BICRA: variants seen among roughly 807,000 people sequenced by gnomAD.
BICRA encodes BRD4 interacting chromatin remodeling complex associated protein, also known as BRD4-interacting chromatin-remodeling complex-associated protein.
BICRA carries 31 observed loss-of-function variants against 96.9 expected under a neutral mutation model. The ratio of observed to expected loss-of-function variants is 0.32; its 90% CI spans 0.24 to 0.43. The LOEUF (loss-of-function observed/expected upper bound fraction) is 0.43, where lower values mean the gene tolerates loss of function less well. Among genes scored for constraint, BICRA ranks in the 20% least tolerant of loss-of-function variants. BICRA has a pLI of 1.00. For synonymous variants in BICRA, 1,350 were observed against 1,071.8 expected (o/e 1.26, Z -5.07); for missense variants, 2,283 against 2,190.3 (o/e 1.04, Z -0.84).
intron 5 of BICRA, 71 bp from the exon 6 acceptor site, chr19:47,679,250 C>A: frequency 1.7e-6 from 2 of 1,146,238 alleles, no homozygotes; most frequent in Non-Finnish European, 2.3e-6. Flanking sequence ...GCATTCTTTG[C>A]GGCAGCTGTG....
At chr19:47,608,712 C>G (rs1222315223), upstream of BICRA, among the ~76,000 whole-genome samples, 1 of 151,640 alleles carries the variant, frequency 6.6e-6, no homozygotes, top group Non-Finnish European at 1.5e-5. Context: ...GGGCCCAGTC[C>G]CCGGACGTCC....
intron 1 of BICRA, among the ~76,000 whole-genome samples, chr19:47,616,701 C>T (rs1318922272): frequency 1.3e-5 from 2 of 151,928 alleles, no homozygotes; most frequent in African/African-American, 4.8e-5. Context: ...TCTTCTGTAA[C>T]AGAGCTTCCC....
At chr19:47,692,025 T>G (rs966529103) in intron 7 of BICRA, among the ~76,000 whole-genome samples, 3 of 152,132 alleles carry the variant, frequency 2.0e-5, no homozygotes, top group African/African-American at 7.2e-5. Flanking sequence ...GATCCTGTAA[T>G]GTTGTATTAT....
At chr19:47,700,932 T>G in intron 14 of BICRA, 3 of 224,876 alleles carry the variant, frequency 1.3e-5, no homozygotes, top group Non-Finnish European at 2.5e-5. Flanking sequence ...TCATATTTTA[T>G]TTATTGTTTT....
chr19:47,637,492 A>G (rs10405411), intron 1 of BICRA, among the ~76,000 whole-genome samples: 101 of 152,256 alleles, frequency 6.6e-4, no homozygotes, highest in African/African-American at 2.4e-3. Flanking sequence ...TCAGCTCACT[A>G]CAACCTCTGC....
chr19:47,638,613 T>TCACACACA lies in BICRA; in HGVS notation c.-108+29461_-108+29468dup, dbSNP rs34512769. ...CTCTCTGTTTCTCTCTCTCTCTCTG[T>TCACACACA]CACACACACACACACACACACACTT... On this transcript the variant is annotated intron_variant, in intron 1 of 14. Coordinates refer to ENST00000594866, the MANE Select transcript of BICRA (RefSeq NM_001394372.1). Among the ~76,000 whole-genome samples, 64 of 149,934 alleles carry TCACACACA rather than the reference T, an allele frequency of 4.3e-4. 1 individual carries two copies. The highest frequency in any genetic ancestry group is 1.2e-3 in the African/African-American group (50 of 40,924).
chr19:47,695,926 C>T (rs578228621), intron 10 of BICRA, among the ~76,000 whole-genome samples: 7 of 151,798 alleles, frequency 4.6e-5, no homozygotes, highest in Admixed American at 3.9e-4. Context: ...AGATGTAAGA[C>T]GTGGGGGAGA....
chr19:47,658,631 CAAAAAA>C (rs3074083), intron 1 of BICRA, among the ~76,000 whole-genome samples: 4 of 97,428 alleles, frequency 4.1e-5, no homozygotes, highest in African/African-American at 8.0e-5. Flanking sequence ...GACTTCGTCT[CAAAAAA>C]AAAAAAAAAA....
chr19:47,682,598 G>T (rs1973082694), intron 7 of BICRA, among the ~76,000 whole-genome samples: 1 of 151,930 alleles, frequency 6.6e-6, no homozygotes, highest in African/African-American at 2.4e-5. Flanking sequence ...TACAAAAAGG[G>T]TAGCATCTTC....
At chr19:47,650,278 A>C (rs1599816794) in intron 1 of BICRA, among the ~76,000 whole-genome samples, 1 of 152,048 alleles carries the variant, frequency 6.6e-6, no homozygotes, top group Non-Finnish European at 1.5e-5. Context: ...GATTACAGGC[A>C]CCTGCCACCA....
At chr19:47,673,098 C>G (rs953903241) in intron 2 of BICRA, among the ~76,000 whole-genome samples, 3 of 152,118 alleles carry the variant, frequency 2.0e-5, no homozygotes, top group African/African-American at 7.2e-5. Flanking sequence ...CGCCTCATGT[C>G]TGGGGAGGCA....
At chr19:47,634,911 C>T (rs1314376922) in intron 1 of BICRA, among the ~76,000 whole-genome samples, 5 of 151,708 alleles carry the variant, frequency 3.3e-5, no homozygotes, top group East Asian at 1.9e-4. Context: ...TGCAGGCACC[C>T]GCCACCATGC....
In BICRA at chr19:47,699,257, C is replaced by G; in HGVS notation, c.3493-46C>G. ...CGTCCCCGTCGCTCGCGCCCCTTCC[C>G]CCTTCTTGCTGGTTCACTCGCACGT... is the stretch of plus-strand genomic sequence containing the variant. On this transcript the variant is annotated intron_variant, in intron 13 of 14. Transcript: ENST00000594866. This position sits in a 1 kb window ranked among gnomAD's most constrained non-coding sequence, Gnocchi z 5.0. 8.8e-7 allele frequency: 1 copy of G among 1,139,528 alleles called. No homozygotes were observed. Among genetic ancestry groups the G allele is most frequent in the Non-Finnish European group, 1.3e-6 (1 of 770,590 alleles). 70.6% of individuals were successfully genotyped at this position (1,139,528 alleles called of 1,614,324 possible).
intron 5 of BICRA, among the ~76,000 whole-genome samples, chr19:47,678,025 A>G (rs1331031060): frequency 6.6e-6 from 1 of 152,184 alleles, no homozygotes; most frequent in African/African-American, 2.4e-5. Flanking sequence ...AAACAGTCTC[A>G]GTTCTTAGAG....
At position 47,681,096 on chromosome 19, in the gene BICRA, G is replaced by A. The variant is rs1183793553; in HGVS notation, c.1926G>A (p.Pro642=). 4.9e-6 allele frequency: 7 copies of A among 1,437,684 alleles called. No homozygotes were observed. Among genetic ancestry groups the A allele is most frequent in the African/African-American group, 1.5e-5 (1 of 68,310 alleles). 89.1% of individuals were successfully genotyped at this position (1,437,684 alleles called of 1,614,324 possible). ...STPLPLGLQQ[P]QAQQPPQAPT... The stretch of plus-strand genomic sequence containing the variant: ...CCCTGCCCCTGGGCCTCCAGCAGCC[G>A]CAGGCGCAGCAGCCCCCGCAGGCCC... The change falls in exon 6 of 15, where the codon CCG becomes CCA. Residue 642 remains proline, a synonymous_variant. Coordinates refer to ENST00000594866, the MANE Select transcript of BICRA (RefSeq NM_001394372.1).
chr19:47,665,382 G>T (rs1972762881), intron 1 of BICRA, among the ~76,000 whole-genome samples: 1 of 152,212 alleles, frequency 6.6e-6, no homozygotes, highest in Non-Finnish European at 1.5e-5. Flanking sequence ...ACAAGCAAAA[G>T]TTCCTGTCCT....
At chr19:47,632,257 A>T (rs1427584229) in intron 1 of BICRA, among the ~76,000 whole-genome samples, 1 of 152,254 alleles carries the variant, frequency 6.6e-6, no homozygotes, top group Non-Finnish European at 1.5e-5. Flanking sequence ...GCCAAGTTGC[A>T]TTCCAGAAAG....
intron 1 of BICRA, among the ~76,000 whole-genome samples, chr19:47,666,529 G>A (rs1411637057): frequency 2.1e-5 from 3 of 141,198 alleles, no homozygotes; most frequent in South Asian, 4.6e-4. Context: ...CTCCCACCCC[G>A]CCCTCCCAAA....
Position 47,693,951 on chromosome 19 carries a change from G to A in BICRA, c.2284-164G>A, listed in dbSNP as rs548403252. ...GGGGGTGCTGTGGGGAATGAGAGGC[G>A]AGGGAGGGAAGGGCAGCCGTGGTGG... is the stretch of plus-strand genomic sequence containing the variant. On this transcript the variant is annotated intron_variant, in intron 7 of 14. Transcript: ENST00000594866. 1.4e-4 allele frequency among the ~76,000 whole-genome samples: 22 copies of A among 152,236 alleles called. No homozygotes were observed. In the South Asian group the frequency reaches 4.6e-3, roughly 32 times the overall value.
Sources: gnomAD v4.1 joint callset for allele counts (sites outside exome capture counted in the v4.1 genomes callset) on GRCh38, gnomAD v4.1.1 for gene constraint, Gnocchi (gnomAD v3.1) non-coding constraint, MANE v1.5 for transcripts, NCBI Gene and HGNC (gene_info 2026-07-23, HGNC 2026-07-21) for gene names.